ZNF407: variants seen among roughly 807,000 people sequenced by gnomAD.
The protein encoded by ZNF407 is zinc finger protein 407.
In ZNF407, 17 loss-of-function variants were observed where a neutral mutation model predicts 131.2. The ratio of observed to expected loss-of-function variants is 0.13; its 90% CI spans 0.09 to 0.19. The LOEUF (loss-of-function observed/expected upper bound fraction) is 0.19. Among genes scored for constraint, ZNF407 ranks in the 10% least tolerant of loss-of-function variants. ZNF407 has a pLI of 1.00. For synonymous variants in ZNF407, 1,156 were observed against 1,062.0 expected (o/e 1.09, Z -1.72); for missense variants, 2,681 against 2,830.6 (o/e 0.95, Z 1.20).
intron 3 of ZNF407, among the ~76,000 whole-genome samples, chr18:74,693,431 T>G (rs1967277258): frequency 6.6e-6 from 1 of 152,356 alleles, no homozygotes; most frequent in East Asian, 1.9e-4. Flanking sequence ...TTTAACTGTT[T>G]TTATAGTGGG....
At chr18:74,950,828 G>A (rs1486403091) in intron 8 of ZNF407, among the ~76,000 whole-genome samples, 1 of 152,022 alleles carries the variant, frequency 6.6e-6, no homozygotes, top group Non-Finnish European at 1.5e-5. Context: ...GACTCTCCAG[G>A]GTTTTCATAC....
At chr18:74,810,565 A>G (rs1185240420) in intron 4 of ZNF407, among the ~76,000 whole-genome samples, 5 of 152,254 alleles carry the variant, frequency 3.3e-5, no homozygotes. Flanking sequence ...ATCAGGCATG[A>G]TAACACTTTT....
At chr18:74,923,498 T>C (rs1465429701) in intron 8 of ZNF407, among the ~76,000 whole-genome samples, 1 of 152,212 alleles carries the variant, frequency 6.6e-6, no homozygotes, top group Non-Finnish European at 1.5e-5. Context: ...CAGTGGTGTT[T>C]GTTCCCTGTC....
chr18:74,855,146 G>A (rs1335839690), intron 4 of ZNF407, among the ~76,000 whole-genome samples: 1 of 152,118 alleles, frequency 6.6e-6, no homozygotes, highest in Admixed American at 6.6e-5. Flanking sequence ...TTTAGAATTT[G>A]GGCTCTGGCC....
At chr18:74,934,987 T>G (rs1329198243) in intron 8 of ZNF407, among the ~76,000 whole-genome samples, 1 of 152,232 alleles carries the variant, frequency 6.6e-6, no homozygotes. Flanking sequence ...ATTATGCCAG[T>G]AGATGCTGCT....
chr18:74,716,641 TG>T (rs1967900247), intron 3 of ZNF407, among the ~76,000 whole-genome samples: 1 of 152,158 alleles, frequency 6.6e-6, no homozygotes, highest in African/African-American at 2.4e-5. Flanking sequence ...AAAACCTGCT[TG>T]GTGAAGTAAA....
chr18:74,845,530 T>A (rs1455421022), intron 4 of ZNF407, among the ~76,000 whole-genome samples: 2 of 152,272 alleles, frequency 1.3e-5, no homozygotes, highest in African/African-American at 4.8e-5. Flanking sequence ...ATTTCTTAGT[T>A]GTTTATTTTG....
rs568001439 is a variant in ZNF407 at position 75,011,532 on chromosome 18, T to C, written c.5429-51618T>C. The stretch of plus-strand genomic sequence containing the variant: ...TAAATATTATTACACATAAAAAAAA[T>C]CTTTGCTTACAAAGAATCCCAGTGA... On this transcript the variant is annotated intron_variant, in intron 8 of 8. Transcript: ENST00000299687. Among the ~76,000 whole-genome samples the C allele has an allele frequency of 2.2e-4, 34 of 152,246 alleles. No individual in the cohort carries two copies. The South Asian group carries it at 6.2e-3, about 28-fold the overall frequency.
intron 8 of ZNF407, among the ~76,000 whole-genome samples, chr18:75,020,987 C>T (rs962357254): frequency 1.2e-4 from 19 of 152,210 alleles, no homozygotes; most frequent in African/African-American, 4.6e-4. Flanking sequence ...AGACACTGAG[C>T]CCGGAGGCTT....
intron 4 of ZNF407, among the ~76,000 whole-genome samples, chr18:74,800,989 A>T (rs1231333957): frequency 6.6e-6 from 1 of 152,092 alleles, no homozygotes; most frequent in African/African-American, 2.4e-5. Context: ...AAAATGTTTC[A>T]AAGAGTCTCT....
chr18:74,617,364 A>G (rs2144632793), intron 1 of ZNF407, among the ~76,000 whole-genome samples: 1 of 152,316 alleles, frequency 6.6e-6, no homozygotes, highest in East Asian at 1.9e-4. Flanking sequence ...TTGGCCTAAA[A>G]TGTCCTCAAT....
At chr18:74,767,288 A>T (rs1490700313) in intron 3 of ZNF407, among the ~76,000 whole-genome samples, 1 of 152,186 alleles carries the variant, frequency 6.6e-6, no homozygotes, top group Non-Finnish European at 1.5e-5. Flanking sequence ...ACAAATTGTT[A>T]TAGGAAAGTA....
At chr18:74,962,517 C>G (rs895217666) in intron 8 of ZNF407, among the ~76,000 whole-genome samples, 1 of 152,106 alleles carries the variant, frequency 6.6e-6, no homozygotes, top group African/African-American at 2.4e-5. Flanking sequence ...GGCCTAGGCC[C>G]TTTGTGAACT....
intron 6 of ZNF407, among the ~76,000 whole-genome samples, chr18:74,884,662 T>C (rs923916665): frequency 2.6e-5 from 4 of 152,196 alleles, no homozygotes; most frequent in African/African-American, 9.6e-5. Context: ...AATACTAGGT[T>C]AATATGAACT....
chr18:74,941,393 G>T lies in ZNF407; in HGVS notation c.5428+20701G>T, dbSNP rs539537672. 3.9e-5 allele frequency among the ~76,000 whole-genome samples: 6 copies of T among 152,172 alleles called. No homozygotes were observed. In the East Asian group the frequency reaches 1.2e-3, roughly 29 times the overall value. On this transcript the variant is annotated intron_variant, in intron 8 of 8. Transcript: ENST00000299687. ...GCCATGCTGCAGGAGGGGCATACTG[G>T]GTGGGCACATTTGCTCCACAGGAAC...
intron 1 of ZNF407, among the ~76,000 whole-genome samples, chr18:74,627,814 C>T (rs1379326357): frequency 1.0e-5 from 1 of 98,150 alleles, no homozygotes; most frequent in African/African-American, 6.0e-5. Flanking sequence ...TTCTCTCTTT[C>T]TGCCCTGCCC....
chr18:74,885,300 C>T (rs150827758), intron 6 of ZNF407, among the ~76,000 whole-genome samples: 109 of 152,186 alleles, frequency 7.2e-4, no homozygotes, highest in African/African-American at 2.5e-3. Flanking sequence ...AGTTAATAAA[C>T]GATGTGCAAA....
intron 3 of ZNF407, among the ~76,000 whole-genome samples, chr18:74,778,391 A>T (rs1022840670): frequency 6.6e-6 from 1 of 152,204 alleles, no homozygotes; most frequent in African/African-American, 2.4e-5. Flanking sequence ...GAGCCACCCA[A>T]ATGTGGAATT....
At chr18:74,755,378 C>T (rs1968906281) in intron 3 of ZNF407, among the ~76,000 whole-genome samples, 1 of 151,984 alleles carries the variant, frequency 6.6e-6, no homozygotes, top group South Asian at 2.1e-4. Flanking sequence ...TGAATTTGAT[C>T]CTGTCATTAT....
Sources: allele counts gnomAD v4.1 joint callset (sites outside exome capture counted in the v4.1 genomes callset), GRCh38; gene constraint gnomAD v4.1.1; transcripts MANE v1.5; gene names NCBI Gene and HGNC (gene_info 2026-07-23, HGNC 2026-07-21).